Variants in DGKB observed in about 807,000 individuals in gnomAD.
The protein encoded by DGKB is 90 kDa diacylglycerol kinase.
DGKB carries 67 observed loss-of-function variants against 114.3 expected under a neutral mutation model. The observed-to-expected ratio is 0.59, with a 90% CI of 0.48 to 0.72. The LOEUF is 0.72. Ranked by LOEUF, DGKB falls within the 30% of genes least tolerant of loss-of-function variation. The pLI is 0.00. For missense variants in DGKB, 907 were observed against 975.2 expected (o/e 0.93, Z 0.93); for synonymous variants, 398 against 323.1 (o/e 1.23, Z -2.49).
intron 23 of DGKB, among the ~76,000 whole-genome samples, chr7:14,315,572 A>G (rs1806317859): frequency 2.0e-5 from 3 of 150,628 alleles, no homozygotes; most frequent in Admixed American, 1.3e-4. Flanking sequence ...CAATTCAACA[A>G]GAAGAGCTAA....
intron 2 of DGKB, among the ~76,000 whole-genome samples, chr7:14,827,223 A>G (rs752685886): frequency 3.3e-5 from 5 of 152,140 alleles, no homozygotes; most frequent in Non-Finnish European, 5.9e-5. Context: ...TGGACTGTAC[A>G]GGGACTACCT....
At chr7:14,618,119 T>TACAC (rs59901892) in intron 15 of DGKB, among the ~76,000 whole-genome samples, 432 of 148,784 alleles carry the variant, frequency 2.9e-3, no homozygotes, top group Middle Eastern at 0.01. Flanking sequence ...GCAAAGGACA[T>TACAC]ACACACACAC....
chr7:14,184,512 C>G (rs1163259697), intron 23 of DGKB, among the ~76,000 whole-genome samples: 1 of 152,064 alleles, frequency 6.6e-6, no homozygotes, highest in African/African-American at 2.4e-5. Flanking sequence ...GGCTTTCCCC[C>G]ACTTCCCTGA....
At chr7:14,922,375 C>CGT (rs150420213) in intron 1 of DGKB, among the ~76,000 whole-genome samples, 5,507 of 118,192 alleles carry the variant, frequency 0.047, 164 homozygotes, top group Admixed American at 0.1. Flanking sequence ...GTGTATCCAT[C>CGT]GTGTGTGTGT....
intron 25 of DGKB, among the ~76,000 whole-genome samples, chr7:14,171,233 G>A (rs1305307262): frequency 1.3e-5 from 2 of 152,158 alleles, no homozygotes; most frequent in Admixed American, 6.5e-5. Context: ...TTTTCTAGAA[G>A]TTGCCGTGGC....
chr7:14,326,129 A>G (rs1159575511), intron 23 of DGKB, among the ~76,000 whole-genome samples: 1 of 151,592 alleles, frequency 6.6e-6, no homozygotes, highest in Non-Finnish European at 1.5e-5. Context: ...CTAGGAAACT[A>G]AAAACTAAAA....
intron 1 of DGKB, among the ~76,000 whole-genome samples, chr7:14,873,678 T>C (rs2128201519): frequency 6.6e-6 from 1 of 152,062 alleles, no homozygotes. Context: ...TGTATGCACA[T>C]TTTTCAATAA....
intron 20 of DGKB, among the ~76,000 whole-genome samples, chr7:14,572,417 A>T (rs1394158017): frequency 1.3e-5 from 2 of 151,880 alleles, no homozygotes; most frequent in East Asian, 1.9e-4. Flanking sequence ...GTGCCACTGC[A>T]CTCCAGCCTG....
At chr7:14,643,359 G>C (rs960367003) in intron 13 of DGKB, among the ~76,000 whole-genome samples, 1 of 30,090 alleles carries the variant, frequency 3.3e-5, no homozygotes, top group Non-Finnish European at 1.1e-4. Context: ...TATTGTTCCA[G>C]AGAGGAAAAT....
intron 23 of DGKB, chr7:14,209,351 T>G: frequency 2.4e-6 from 1 of 418,388 alleles, no homozygotes; most frequent in Non-Finnish European, 4.8e-6. Context: ...ACGACAAGAT[T>G]GGGTATTTGG....
intron 21 of DGKB, among the ~76,000 whole-genome samples, chr7:14,474,207 C>T (rs1393902621): frequency 2.6e-5 from 4 of 151,964 alleles, no homozygotes; most frequent in Non-Finnish European, 5.9e-5. Context: ...TAAGTTTTTC[C>T]CATGCTGTTC....
At chr7:14,897,863 G>C (rs1782363012) in intron 1 of DGKB, among the ~76,000 whole-genome samples, 1 of 151,724 alleles carries the variant, frequency 6.6e-6, no homozygotes, top group Admixed American at 6.6e-5. Context: ...TGTGGAAGTG[G>C]GACTACCTAT....
chr7:14,561,745 A>C (rs1441559992), intron 20 of DGKB, among the ~76,000 whole-genome samples: 2 of 152,188 alleles, frequency 1.3e-5, no homozygotes, highest in African/African-American at 4.8e-5. Flanking sequence ...GAGGAAAGAA[A>C]TTTCTAAGTG....
chr7:14,584,555 G>C (rs1296507776), intron 17 of DGKB, among the ~76,000 whole-genome samples: 2 of 152,112 alleles, frequency 1.3e-5, no homozygotes, highest in Non-Finnish European at 2.9e-5. Context: ...TTACTAGTGA[G>C]TTCAGCATAT....
intron 21 of DGKB, among the ~76,000 whole-genome samples, chr7:14,357,252 A>C (rs1302853817): frequency 6.6e-6 from 1 of 152,118 alleles, no homozygotes; most frequent in Non-Finnish European, 1.5e-5. Context: ...TGGGTCTCTA[A>C]GGACTTGCTT....
intron 12 of DGKB, among the ~76,000 whole-genome samples, chr7:14,676,171 C>G (rs1238106595): frequency 2.7e-5 from 4 of 148,934 alleles, no homozygotes; most frequent in African/African-American, 1.0e-4. Context: ...AATTCAAAAG[C>G]TACAAATTTT....
intron 23 of DGKB, among the ~76,000 whole-genome samples, chr7:14,190,423 T>C (rs1368417706): frequency 6.6e-6 from 1 of 152,064 alleles, no homozygotes; most frequent in Non-Finnish European, 1.5e-5. Flanking sequence ...AATAATTGTC[T>C]ACATCACAAA....
intron 20 of DGKB, among the ~76,000 whole-genome samples, chr7:14,554,405 T>C (rs1438280928): frequency 6.6e-6 from 1 of 152,182 alleles, no homozygotes; most frequent in Middle Eastern, 3.2e-3. Context: ...TGGGGACCTC[T>C]TTTCTAGTTG....
At chr7:14,199,910 AAAAC>A (rs1022611937) in intron 23 of DGKB, among the ~76,000 whole-genome samples, 84 of 152,168 alleles carry the variant, frequency 5.5e-4, no homozygotes, top group African/African-American at 1.6e-3. Context: ...AACAAGGATC[AAAAC>A]AAACAAACAA....
Sources: gnomAD v4.1 joint callset for allele counts (sites outside exome capture counted in the v4.1 genomes callset) on GRCh38, gnomAD v4.1.1 for gene constraint, MANE v1.5 for transcripts, NCBI Gene and HGNC (gene_info 2026-07-23, HGNC 2026-07-21) for gene names.